ZNF804B: variants seen among roughly 807,000 people sequenced by gnomAD.
The protein encoded by ZNF804B is zinc finger 804B.
ZNF804B carries 80 observed loss-of-function variants against 101.4 expected under a neutral mutation model. The ratio of observed to expected loss-of-function variants is 0.79; its 90% CI spans 0.66 to 0.95. The LOEUF (loss-of-function observed/expected upper bound fraction) is 0.95. Among genes scored for constraint, ZNF804B ranks in the 40% least tolerant of loss-of-function variants. ZNF804B has a pLI of 0.00. For synonymous variants in ZNF804B, 622 were observed against 558.8 expected (o/e 1.11, Z -1.59); for missense variants, 1,673 against 1,561.9 (o/e 1.07, Z -1.20).
intron 1 of ZNF804B, among the ~76,000 whole-genome samples, chr7:88,866,915 T>C (rs1034305162): frequency 2.0e-5 from 3 of 152,224 alleles, no homozygotes; most frequent in African/African-American, 7.2e-5. Context: ...CAGTCAAGCC[T>C]GATCATTCAG....
At chr7:88,849,642 G>A (rs1422880187) in intron 1 of ZNF804B, among the ~76,000 whole-genome samples, 1 of 151,290 alleles carries the variant, frequency 6.6e-6, no homozygotes, top group Non-Finnish European at 1.5e-5. Context: ...TGAGATCACA[G>A]GTGCCCGCCA....
intron 1 of ZNF804B, among the ~76,000 whole-genome samples, chr7:88,824,806 A>G (rs1791030573): frequency 6.6e-6 from 1 of 152,206 alleles, no homozygotes; most frequent in African/African-American, 2.4e-5. Flanking sequence ...CTTAGCCTTT[A>G]TAAGTGTGGA....
At chr7:89,137,503 T>C (rs571684504) in intron 1 of ZNF804B, among the ~76,000 whole-genome samples, 1 of 152,166 alleles carries the variant, frequency 6.6e-6, no homozygotes, top group African/African-American at 2.4e-5. Context: ...CTGGCAGCAT[T>C]TTGTCCCTGC....
chr7:88,886,809 AC>A (rs1477266450), intron 1 of ZNF804B, among the ~76,000 whole-genome samples: 1 of 151,764 alleles, frequency 6.6e-6, no homozygotes, highest in Non-Finnish European at 1.5e-5. Context: ...TTCCTAATAG[AC>A]TTTTTATCAA....
At position 89,335,013 on chromosome 7, in the gene ZNF804B, G is replaced by T. The variant is rs1207743730; in HGVS notation, c.2031G>T (p.Leu677Phe). Residue 677 changes from leucine to phenylalanine, a missense_variant, in exon 4 of 4, where the codon TTG becomes TTT. Physicochemically the swap from Leu to Phe is conservative, Grantham distance 22 (BLOSUM62 0). Transcript: ENST00000333190. ...SDHGKDFSVI[L>F]KSNHISMTSK... ...ATGGGAAAGACTTCAGTGTAATTTTGAAGAGTAACCACATCAGCATGACCA... is the reference window on the plus strand; with the variant it reads ...ATGGGAAAGACTTCAGTGTAATTTTTAAGAGTAACCACATCAGCATGACCA... 7 of 1,613,814 alleles carry T rather than the reference G, an allele frequency of 4.3e-6. No homozygotes were observed. The highest frequency in any genetic ancestry group is 5.9e-6 in the Non-Finnish European group (7 of 1,179,894).
At chr7:88,894,620 G>A (rs1792260471) in intron 1 of ZNF804B, among the ~76,000 whole-genome samples, 1 of 151,984 alleles carries the variant, frequency 6.6e-6, no homozygotes, top group African/African-American at 2.4e-5. Flanking sequence ...TCCTTCATTA[G>A]GTAAATGGAT....
chr7:88,820,283 T>A (rs1359411022), intron 1 of ZNF804B, among the ~76,000 whole-genome samples: 3 of 152,202 alleles, frequency 2.0e-5, no homozygotes, highest in Admixed American at 2.0e-4. Context: ...TACAATAGAC[T>A]TTTTTATGGT....
At chr7:88,956,047 C>T (rs1013192576) in intron 1 of ZNF804B, among the ~76,000 whole-genome samples, 5 of 151,598 alleles carry the variant, frequency 3.3e-5, no homozygotes, top group African/African-American at 1.2e-4. Flanking sequence ...TCATCTTACT[C>T]CAGTAAGAAT....
At chr7:89,251,990 G>A (rs375870097) in intron 2 of ZNF804B, among the ~76,000 whole-genome samples, 11 of 152,104 alleles carry the variant, frequency 7.2e-5, no homozygotes, top group South Asian at 2.1e-4. Flanking sequence ...TCTGGATGCC[G>A]GCCTTCAGAA....
In ZNF804B at chr7:88,866,627, G is replaced by A. The variant is rs116608114; in HGVS notation, c.108+106543G>A. On this transcript the variant is annotated intron_variant, in intron 1 of 3. Transcript: ENST00000333190. Reference sequence around the variant, plus strand: ...GACATGAAGCTTTTTGAACTTTTCCGCCCAGGTCTGCAGCCAAGTAAAATG... The same window carrying A: ...GACATGAAGCTTTTTGAACTTTTCCACCCAGGTCTGCAGCCAAGTAAAATG... 5.3e-3 allele frequency among the ~76,000 whole-genome samples: 806 copies of A among 152,138 alleles called. 10 individuals carry two copies. The highest frequency in any genetic ancestry group is 0.019 in the African/African-American group (769 of 41,502).
At chr7:88,954,925 C>A (rs951704723) in intron 1 of ZNF804B, among the ~76,000 whole-genome samples, 1 of 151,134 alleles carries the variant, frequency 6.6e-6, no homozygotes, top group South Asian at 2.1e-4. Flanking sequence ...TTAAGTATAG[C>A]GAGGGAAGAT....
chr7:88,855,477 T>G (rs1445310054), intron 1 of ZNF804B, among the ~76,000 whole-genome samples: 1 of 152,126 alleles, frequency 6.6e-6, no homozygotes, highest in Admixed American at 6.5e-5. Context: ...TAAATTTGTT[T>G]GAGTTCATCG....
chr7:89,057,827 G>C (rs1789320299), intron 1 of ZNF804B, among the ~76,000 whole-genome samples: 1 of 152,074 alleles, frequency 6.6e-6, no homozygotes, highest in Non-Finnish European at 1.5e-5. Flanking sequence ...AGATCAAGAA[G>C]TTGATTTCCT....
chr7:89,264,265 C>T (rs938733739), intron 2 of ZNF804B, among the ~76,000 whole-genome samples: 2 of 152,176 alleles, frequency 1.3e-5, no homozygotes, highest in African/African-American at 4.8e-5. Flanking sequence ...AAAAATCCTG[C>T]AGGTTTAACA....
chr7:88,882,710 C>T (rs938363700), intron 1 of ZNF804B, among the ~76,000 whole-genome samples: 8 of 152,036 alleles, frequency 5.3e-5, no homozygotes, highest in African/African-American at 1.9e-4. Context: ...TGTGGCAACA[C>T]GAGTGCAGCT....
chr7:89,211,361 C>G (rs556068080), intron 1 of ZNF804B, among the ~76,000 whole-genome samples: 1 of 152,070 alleles, frequency 6.6e-6, no homozygotes, highest in East Asian at 1.9e-4. Context: ...TGTGCAGAAG[C>G]TCTCTGATTA....
At position 88,924,052 on chromosome 7, in the gene ZNF804B, C is replaced by G. The variant is rs78226118; in HGVS notation, c.108+163968C>G. 7.3e-3 allele frequency among the ~76,000 whole-genome samples: 1,110 copies of G among 152,080 alleles called. 18 individuals are homozygous for G. The highest frequency in any genetic ancestry group is 0.024 in the African/African-American group (1,012 of 41,482). ...ATAAACACATTTCCAACTGGCACAC[C>G]TTTTTCTCCAGGATAGAGTTCCGAG... On this transcript the variant is annotated intron_variant, in intron 1 of 3. Transcript: ENST00000333190.
intron 2 of ZNF804B, among the ~76,000 whole-genome samples, chr7:89,269,101 A>C (rs953324710): frequency 1.3e-5 from 2 of 152,104 alleles, no homozygotes; most frequent in Non-Finnish European, 2.9e-5. Context: ...TCTAGGGTAC[A>C]TGTGCACAAC....
intron 2 of ZNF804B, among the ~76,000 whole-genome samples, chr7:89,287,757 C>A (rs752296722): frequency 7.2e-5 from 11 of 151,784 alleles, no homozygotes; most frequent in Non-Finnish European, 1.5e-4. Context: ...TGGATCCAGC[C>A]AAAGGGAGAA....
Sources: allele counts gnomAD v4.1 joint callset (sites outside exome capture counted in the v4.1 genomes callset), GRCh38; gene constraint gnomAD v4.1.1; transcripts MANE v1.5; gene names NCBI Gene and HGNC (gene_info 2026-07-23, HGNC 2026-07-21).